The following LRMDA variants were observed in gnomAD, a reference collection of about 807,000 sequenced individuals.
LRMDA encodes leucine rich melanocyte differentiation associated.
In LRMDA, 18 loss-of-function variants were observed where a neutral mutation model predicts 29.8. The observed-to-expected ratio is 0.60, with a 90% CI of 0.42 to 0.90. The LOEUF (loss-of-function observed/expected upper bound fraction) is 0.90. Among genes scored for constraint, LRMDA ranks in the 40% least tolerant of loss-of-function variants. LRMDA has a pLI of 0.00. For missense variants in LRMDA, 273 were observed against 273.9 expected (o/e 1.00, Z 0.02); for synonymous variants, 125 against 109.4 (o/e 1.14, Z -0.89).
At chr10:76,098,199 T>C (rs1028754154) in intron 5 of LRMDA, among the ~76,000 whole-genome samples, 1 of 152,210 alleles carries the variant, frequency 6.6e-6, no homozygotes, top group African/African-American at 2.4e-5. Context: ...TCCCTCCTAT[T>C]TTCTAGAAGC....
chr10:76,302,750 C>T (rs1840497083), intron 5 of LRMDA, among the ~76,000 whole-genome samples: 1 of 152,114 alleles, frequency 6.6e-6, no homozygotes, highest in Non-Finnish European at 1.5e-5. Flanking sequence ...ACAGAGAAAT[C>T]CACAAAAATG....
At chr10:75,844,665 C>T (rs1245553335) in intron 2 of LRMDA, among the ~76,000 whole-genome samples, 2 of 152,202 alleles carry the variant, frequency 1.3e-5, no homozygotes, top group Non-Finnish European at 2.9e-5. Context: ...CATGTCAAGA[C>T]CCCTTAGGTC....
rs571728278 is a variant in LRMDA, at chr10:75,880,075, G to T, written c.132-155933G>T. Among the ~76,000 whole-genome samples, 16 of 152,268 alleles carry T rather than the reference G, an allele frequency of 1.1e-4. No homozygotes were observed. In the South Asian group the frequency reaches 3.3e-3, roughly 32 times the overall value. On this transcript the variant is annotated intron_variant, in intron 2 of 6. Coordinates refer to ENST00000611255, the MANE Select transcript of LRMDA (RefSeq NM_001305581.2). ...TTTATAATGTTTTAAAAAAATCATT[G>T]CTGTTTGTCGGCCTGATTCCTTTGT...
At position 76,276,707 on chromosome 10, in the gene LRMDA, A is replaced by G. The variant is rs767618258; in HGVS notation, c.517-47694A>G. ...GTATATTTAGTAATTTTTGGCTTGT[A>G]TCCTGGGCATTTTGAACATTATGTT... On this transcript the variant is annotated intron_variant, in intron 5 of 6. Transcript: ENST00000611255. 7.2e-5 allele frequency among the ~76,000 whole-genome samples: 11 copies of G among 152,168 alleles called. No individual in the cohort carries two copies. In the East Asian group the frequency reaches 1.9e-3, roughly 27 times the overall value.
rs1847068852 is a variant in LRMDA, at chr10:75,976,300, C to A, written c.132-59708C>A. 5.2e-5 allele frequency among the ~76,000 whole-genome samples: 8 copies of A among 152,382 alleles called. No individual in the cohort carries two copies. The South Asian group carries it at 1.7e-3, about 32-fold the overall frequency. On this transcript the variant is annotated intron_variant, in intron 2 of 6. Transcript: ENST00000611255. ...AACAAGCTATTCCTTTTGTATACAA[C>A]ATTCTTGGTTAAGTTGGTCCCTTCT...
At chr10:76,453,769 T>C (rs910619424) in intron 6 of LRMDA, among the ~76,000 whole-genome samples, 4 of 152,250 alleles carry the variant, frequency 2.6e-5, no homozygotes, top group Non-Finnish European at 5.9e-5. Context: ...AATTCCTTTA[T>C]TAAATTAGAG....
At chr10:76,127,250 G>A (rs1849900054) in intron 5 of LRMDA, among the ~76,000 whole-genome samples, 1 of 152,170 alleles carries the variant, frequency 6.6e-6, no homozygotes, top group African/African-American at 2.4e-5. Context: ...CTCAAAAAAT[G>A]CATATATGTG....
chr10:75,973,457 G>A (rs1427286418), intron 2 of LRMDA, among the ~76,000 whole-genome samples: 3 of 147,806 alleles, frequency 2.0e-5, no homozygotes, highest in African/African-American at 7.5e-5. Flanking sequence ...TTGCTCTTGT[G>A]GCTCAAGCTG....
At chr10:75,582,620 C>G (rs922060278) in intron 2 of LRMDA, among the ~76,000 whole-genome samples, 1 of 152,212 alleles carries the variant, frequency 6.6e-6, no homozygotes, top group Non-Finnish European at 1.5e-5. Context: ...CTCTGAAATG[C>G]TTTCAAGGCA....
At chr10:76,031,726 CAATTAA>C (rs1031894063) in intron 2 of LRMDA, among the ~76,000 whole-genome samples, 2 of 152,132 alleles carry the variant, frequency 1.3e-5, no homozygotes, top group African/African-American at 4.8e-5. Context: ...ACCATTTTCT[CAATTAA>C]AAATATGGGC....
intron 2 of LRMDA, among the ~76,000 whole-genome samples, chr10:75,936,805 CCA>C (rs912392692): frequency 3.3e-5 from 5 of 152,164 alleles, no homozygotes; most frequent in African/African-American, 1.2e-4. Context: ...TCACCACCTC[CCA>C]AAGATCCTAC....
chr10:75,650,057 C>T (rs1426833256), intron 2 of LRMDA, among the ~76,000 whole-genome samples: 1 of 152,124 alleles, frequency 6.6e-6, no homozygotes, highest in Non-Finnish European at 1.5e-5. Context: ...TATATTTTCT[C>T]ATTCCATAGG....
At chr10:75,932,392 A>T (rs1846219996) in intron 2 of LRMDA, among the ~76,000 whole-genome samples, 1 of 152,156 alleles carries the variant, frequency 6.6e-6, no homozygotes, top group African/African-American at 2.4e-5. Context: ...GCAGGAGGAC[A>T]GCCTGAGGCC....
intron 5 of LRMDA, among the ~76,000 whole-genome samples, chr10:76,290,846 G>A (rs1364921842): frequency 6.6e-6 from 1 of 152,210 alleles, no homozygotes; most frequent in Non-Finnish European, 1.5e-5. Context: ...ATATAATGAA[G>A]AGATGAGAGA....
chr10:76,337,536 G>A (rs1255560514), intron 6 of LRMDA, among the ~76,000 whole-genome samples: 1 of 152,170 alleles, frequency 6.6e-6, no homozygotes. Context: ...TGAGGTGGGA[G>A]CGTGCTCCTG....
chr10:76,031,502 G>T (rs977599577), intron 2 of LRMDA, among the ~76,000 whole-genome samples: 2 of 152,140 alleles, frequency 1.3e-5, no homozygotes, highest in Non-Finnish European at 2.9e-5. Context: ...GTGCTCAGTG[G>T]ATGAGGCAGT....
chr10:76,538,387 A>G (rs1237701035), intron 6 of LRMDA, among the ~76,000 whole-genome samples: 2 of 150,664 alleles, frequency 1.3e-5, no homozygotes, highest in African/African-American at 4.9e-5. Context: ...TTTCTTACCA[A>G]AAAGTAGCTG....
At chr10:75,901,609 A>G (rs545623023) in intron 2 of LRMDA, among the ~76,000 whole-genome samples, 1 of 152,322 alleles carries the variant, frequency 6.6e-6, no homozygotes, top group East Asian at 1.9e-4. Context: ...AACCGAGACA[A>G]TCAATGAGAT....
At chr10:75,579,745 A>G (rs1395628076) in intron 2 of LRMDA, among the ~76,000 whole-genome samples, 2 of 152,206 alleles carry the variant, frequency 1.3e-5, no homozygotes, top group Non-Finnish European at 2.9e-5. Flanking sequence ...GCTTCATCCC[A>G]GGGATGCAAG....
Sources: gnomAD v4.1 joint callset for allele counts (sites outside exome capture counted in the v4.1 genomes callset) on GRCh38, gnomAD v4.1.1 for gene constraint, MANE v1.5 for transcripts, NCBI Gene and HGNC (gene_info 2026-07-23, HGNC 2026-07-21) for gene names.